Variants in SWT1 observed in about 807,000 individuals in gnomAD.
The protein encoded by SWT1 is transcriptional protein SWT1.
A neutral mutation model predicts 107.3 loss-of-function variants in SWT1; 33 were observed. That is an observed-to-expected ratio of 0.31 (90% CI 0.23 to 0.41). SWT1 has a LOEUF of 0.41. SWT1 is among the 10% of genes least tolerant of loss of function. The pLI is 1.00. For synonymous variants in SWT1, 345 were observed against 348.3 expected (o/e 0.99, Z 0.11); for missense variants, 898 against 1,028.9 (o/e 0.87, Z 1.74).
chr1:185,203,120 CT>C (rs1338264011), intron 11 of SWT1, among the ~76,000 whole-genome samples: 1 of 152,056 alleles, frequency 6.6e-6, no homozygotes, highest in Non-Finnish European at 1.5e-5. Context: ...TATTTTTCAC[CT>C]TCATTTTCTT....
chr1:185,174,503 G>T lies in SWT1; in HGVS notation c.356G>T (p.Gly119Val). 1.2e-6 allele frequency: 2 copies of T among 1,610,044 alleles called. No homozygotes were observed. Among genetic ancestry groups the T allele is most frequent in the Non-Finnish European group, 1.7e-6 (2 of 1,178,728 alleles). The stretch of plus-strand genomic sequence containing the variant: ...ATTTTGCAGAGTCCTTCTTCAAATG[G>T]AACTAAAAAAGACATACATAAATGT... ...QIILQSPSSNGTKKDIHKCVD... is the reference protein window; with the variant it reads ...QIILQSPSSNVTKKDIHKCVD... Residue 119 changes from glycine to valine, a missense_variant, in exon 5 of 19, where the codon GGA becomes GTA. Coordinates refer to ENST00000367500, the MANE Select transcript of SWT1 (RefSeq NM_017673.7).
chr1:185,210,253 T>C (rs759486925), intron 13 of SWT1, among the ~76,000 whole-genome samples: 5 of 152,236 alleles, frequency 3.3e-5, no homozygotes, highest in Admixed American at 1.3e-4. Flanking sequence ...ATTTTGGCTT[T>C]TGCTGCCATT....
At chr1:185,163,669 C>T (rs1654346377) in intron 2 of SWT1, among the ~76,000 whole-genome samples, 1 of 152,190 alleles carries the variant, frequency 6.6e-6, no homozygotes, top group Non-Finnish European at 1.5e-5. Flanking sequence ...GCTGGGATTA[C>T]AGGCGTGAGC....
intron 16 of SWT1, among the ~76,000 whole-genome samples, chr1:185,253,097 A>C (rs1662172859): frequency 7.3e-6 from 1 of 137,224 alleles, no homozygotes. Context: ...AGTTGTAGAT[A>C]TGCGGCGTTA....
intron 7 of SWT1, among the ~76,000 whole-genome samples, chr1:185,183,882 G>A (rs1377538778): frequency 2.0e-5 from 3 of 152,136 alleles, no homozygotes; most frequent in Non-Finnish European, 4.4e-5. Context: ...CATTCTCCAT[G>A]GCTGGTTTTT....
intron 16 of SWT1, among the ~76,000 whole-genome samples, chr1:185,257,501 C>A (rs538042851): frequency 6.6e-5 from 10 of 152,164 alleles, no homozygotes; most frequent in Admixed American, 1.3e-4. Context: ...TTTTTTAAGC[C>A]GGTCGGAAAA....
At chr1:185,277,317 CTT>C (rs971436713) in intron 18 of SWT1, among the ~76,000 whole-genome samples, 60 of 151,770 alleles carry the variant, frequency 4.0e-4, no homozygotes, top group African/African-American at 1.4e-3. Context: ...GAGTTTTGCT[CTT>C]GTCGCAAATG....
intron 3 of SWT1, 120 bp from the exon 4 acceptor site, chr1:185,168,220 C>A: frequency 1.8e-6 from 1 of 564,654 alleles, no homozygotes; most frequent in Non-Finnish European, 2.8e-6. Context: ...TAATATCCAT[C>A]TCACCGGATT....
intron 10 of SWT1, among the ~76,000 whole-genome samples, chr1:185,194,673 A>G (rs968987454): frequency 9.2e-5 from 14 of 151,820 alleles, no homozygotes; most frequent in Admixed American, 1.3e-4. Flanking sequence ...TATCAAATCT[A>G]TTGACAAGCC....
chr1:185,279,740 A>G (rs1664497680), intron 18 of SWT1, among the ~76,000 whole-genome samples: 1 of 150,498 alleles, frequency 6.6e-6, no homozygotes, highest in Non-Finnish European at 1.5e-5. Flanking sequence ...CATACTAGAT[A>G]TGGGGCCAAT....
chr1:185,203,346 G>A (rs184050323), intron 11 of SWT1, among the ~76,000 whole-genome samples: 18 of 152,084 alleles, frequency 1.2e-4, no homozygotes, highest in Admixed American at 9.8e-4. Flanking sequence ...GTAACAGGCC[G>A]GGTGCACTGG....
intron 17 of SWT1, among the ~76,000 whole-genome samples, chr1:185,274,762 T>G (rs892131871): frequency 6.6e-6 from 1 of 152,200 alleles, no homozygotes; most frequent in Non-Finnish European, 1.5e-5. Flanking sequence ...GCTATTTTTT[T>G]CCCCTGGAAA....
chr1:185,281,303 A>C (rs970315463), intron 18 of SWT1: 1 of 215,682 alleles, frequency 4.6e-6, no homozygotes, highest in Non-Finnish European at 9.5e-6. Flanking sequence ...ACAGAAACAT[A>C]TACAGTGGAA....
intron 18 of SWT1, among the ~76,000 whole-genome samples, chr1:185,283,251 G>T (rs1342606561): frequency 3.9e-5 from 6 of 152,144 alleles, no homozygotes; most frequent in Admixed American, 3.9e-4. Flanking sequence ...GAAGAACCTT[G>T]GTGCTTATAT....
intron 16 of SWT1, among the ~76,000 whole-genome samples, chr1:185,257,736 C>T (rs930537903): frequency 3.9e-5 from 6 of 152,372 alleles, no homozygotes; most frequent in Admixed American, 1.3e-4. Flanking sequence ...GAAATCACCG[C>T]CTTCTGCGTC....
At chr1:185,225,664 A>G (rs1054608079) in intron 15 of SWT1, among the ~76,000 whole-genome samples, 3 of 152,164 alleles carry the variant, frequency 2.0e-5, no homozygotes, top group African/African-American at 4.8e-5. Context: ...CTAAGGAGCA[A>G]TAGGCTATAC....
chr1:185,269,232 T>G (rs1663654414), intron 16 of SWT1, among the ~76,000 whole-genome samples: 1 of 152,206 alleles, frequency 6.6e-6, no homozygotes. Flanking sequence ...TGGTTTAACT[T>G]ATCTAGATAG....
Position 185,276,688 on chromosome 1 carries a change from A to G in SWT1, c.2573+20A>G, listed in dbSNP as rs368794457. 4 of 1,386,900 alleles carry G rather than the reference A, an allele frequency of 2.9e-6. No individual in the cohort carries two copies. In the African/African-American group the frequency reaches 5.7e-5, roughly 20 times the overall value. 85.9% of individuals were successfully genotyped at this position (1,386,900 alleles called of 1,614,324 possible). A position where few individuals can be genotyped will look rare whatever the true frequency, so the allele number is the denominator to read the frequency against. ...GTATAGGTAAGTCATATCTATATAT[A>G]GATATAAACCATTGTAACAAGCTTT... On this transcript the variant is annotated intron_variant, in intron 18 of 18. Transcript: ENST00000367500.
chr1:185,248,786 A>G (rs1019057445), intron 16 of SWT1, among the ~76,000 whole-genome samples: 1 of 152,040 alleles, frequency 6.6e-6, no homozygotes, highest in African/African-American at 2.4e-5. Flanking sequence ...AAAAAAAAAA[A>G]AAAAAAAGAC....
Sources: allele counts gnomAD v4.1 joint callset (sites outside exome capture counted in the v4.1 genomes callset), GRCh38; gene constraint gnomAD v4.1.1; transcripts MANE v1.5; gene names NCBI Gene and HGNC (gene_info 2026-07-23, HGNC 2026-07-21).